JAK3: variants seen among roughly 807,000 people sequenced by gnomAD.
JAK3 encodes Janus kinase 3, also known as tyrosine-protein kinase JAK3.
JAK3 carries 88 observed loss-of-function variants against 120.8 expected under a neutral mutation model. The observed-to-expected ratio is 0.73, with a 90% CI of 0.61 to 0.87. The LOEUF (loss-of-function observed/expected upper bound fraction) is 0.87, where lower values mean the gene tolerates loss of function less well. Among genes scored for constraint, JAK3 ranks in the 40% least tolerant of loss-of-function variants. The pLI, the probability that JAK3 is intolerant of heterozygous loss-of-function variation, is 0.00. For missense variants in JAK3, 1,254 were observed against 1,501.4 expected (o/e 0.84, Z 2.72); for synonymous variants, 592 against 628.6 (o/e 0.94, Z 0.87).
Position 17,830,560 on chromosome 19 carries a change from G to A in JAK3, c.3039C>T (p.Phe1013=), listed in dbSNP as rs2094212070. Residue 1013 remains phenylalanine, a synonymous_variant, in exon 22 of 24, where the codon TTC becomes TTT. Transcript: ENST00000458235. The part of the protein sequence containing the change: ...IFSRQSDVWS[F]GVVLYELFTY... ...TGAAGAGCTCGTACAGGACGACCCCGAAGCTCCAGACGTCTGACTGGCGAG... is the reference window on the plus strand; with the variant it reads ...TGAAGAGCTCGTACAGGACGACCCCAAAGCTCCAGACGTCTGACTGGCGAG... 6.2e-7 allele frequency: 1 copy of A among 1,613,754 alleles called. No homozygotes were observed. The highest frequency in any genetic ancestry group is 1.3e-5 in the African/African-American group (1 of 74,928).
intron 10 of JAK3, among the ~76,000 whole-genome samples, chr19:17,838,712 A>AT (rs35486965): frequency 0.18 from 18,308 of 99,184 alleles, 2,768 homozygotes; most frequent in African/African-American, 0.38. Context: ...TGCCCGGCTA[A>AT]TTTTTTTTTT....
At position 17,841,832 on chromosome 19, in the gene JAK3, C is replaced by T. The variant is rs910919455; in HGVS notation, c.862-70G>A. On this transcript the variant is annotated intron_variant, in intron 6 of 23. Coordinates refer to ENST00000458235, the MANE Select transcript of JAK3 (RefSeq NM_000215.4). This position sits in a 1 kb window ranked among gnomAD's most constrained non-coding sequence, Gnocchi z 4.1. ...CGCCAAACCACGCCCATGAACCCAC[C>T]CCCAAGCCACACCATCCACTCCCTA... 796 of 1,589,620 alleles carry T rather than the reference C, an allele frequency of 5.0e-4. No individual in the cohort carries two copies. The highest frequency in any genetic ancestry group is 6.3e-4 in the Non-Finnish European group (740 of 1,174,658).
In JAK3 at chr19:17,842,594, G is replaced by A. The variant is rs2147698014; in HGVS notation, c.583C>T (p.Pro195Ser). The change falls in exon 6 of 24, where the codon CCC becomes TCC. Residue 195 changes from proline (P) to serine (S), a missense_variant. By Grantham distance (74) the Pro-to-Ser change is moderately conservative. Around this residue, in one of 3 missense-constraint regions of JAK3, gnomAD observed 486 missense variants for 503.0 expected, o/e 0.97. Transcript: ENST00000458235. The surrounding 1 kb of genome is among the most constrained non-coding windows in gnomAD (Gnocchi z 6.4). Reference protein sequence around the residue: ...LKTVSYKACLPPSLRDLIQGL... With the variant: ...LKTVSYKACLSPSLRDLIQGL... ...TGGATCAGGTCGCGCAGGCTTGGGG[G>A]TAGGCAGGCCTTGTAGCTGCAGGGG... 1 of 1,581,182 alleles carries A rather than the reference G, an allele frequency of 6.3e-7. No homozygotes were observed. Among genetic ancestry groups the A allele is most frequent in the Non-Finnish European group, 8.6e-7 (1 of 1,162,428 alleles).
intron 12 of JAK3, 29 bp downstream of exon 12, chr19:17,837,903 T>C: frequency 6.2e-7 from 1 of 1,613,650 alleles, no homozygotes. Context: ...CAGCCCCGAC[T>C]CCAAAAGTCT....
Position 17,831,247 on chromosome 19 carries a change from C to T in JAK3, c.2959G>A (p.Gly987Ser), listed in dbSNP as rs2094214009. 4 of 1,612,266 alleles carry T rather than the reference C, an allele frequency of 2.5e-6. No homozygotes were observed. Among genetic ancestry groups the T allele is most frequent in the Non-Finnish European group, 3.4e-6 (4 of 1,179,724 alleles). Residue 987 changes from glycine to serine, a missense_variant, in exon 21 of 24, where the codon GGC (glycine) becomes AGC (serine). Gly to Ser is a moderately conservative substitution (Grantham distance 56, BLOSUM62 0). Transcript: ENST00000458235. The surrounding 1 kb of genome is among the most constrained non-coding windows in gnomAD (Gnocchi z 5.1). Reference sequence around the variant, plus strand: ...CCCCACCAGAAAATGGGGCTCTGGCCTGGCTCGCGGACCACGTAGTAGTCT... The same window carrying T: ...CCCCACCAGAAAATGGGGCTCTGGCTTGGCTCGCGGACCACGTAGTAGTCT... ...DKDYYVVREP[G>S]QSPIFWYAPE...
chr19:17,845,454 C>A (rs930275654), intron 1 of JAK3, among the ~76,000 whole-genome samples: 2 of 151,882 alleles, frequency 1.3e-5, no homozygotes, highest in Admixed American at 6.6e-5. Flanking sequence ...CGCGCCTGGC[C>A]GAGACCAGGA....
chr19:17,839,102 G>A (rs1360107980), intron 10 of JAK3: 2 of 380,796 alleles, frequency 5.3e-6, no homozygotes, highest in Non-Finnish European at 5.1e-6. Flanking sequence ...CCTGCAGGGG[G>A]CTTTAATGAG....
chr19:17,847,881 A>C, intron 1 of JAK3, 65 bp downstream of exon 1: 38 of 483,564 alleles, frequency 7.9e-5, no homozygotes, highest in Non-Finnish European at 1.0e-4. Context: ...CAGCCCAGCC[A>C]TCCCCCGCCA....
At chr19:17,838,446 G>A (rs573322377) in intron 10 of JAK3, 56 bp from the exon 11 acceptor site, 5 of 1,609,134 alleles carry the variant, frequency 3.1e-6, no homozygotes, top group African/African-American at 2.7e-5. Flanking sequence ...AAGTCCCCAA[G>A]GGTTAGCTAA....
At chr19:17,839,315 G>A (rs2094231888) in intron 10 of JAK3, 162 bp downstream of exon 10, 1 of 731,418 alleles carries the variant, frequency 1.4e-6, no homozygotes, top group African/African-American at 1.7e-5. Context: ...CAGACCTAAA[G>A]GTTATATATC....
chr19:17,833,155 A>T (rs779195850), intron 17 of JAK3, among the ~76,000 whole-genome samples: 9 of 152,262 alleles, frequency 5.9e-5, no homozygotes, highest in Non-Finnish European at 8.8e-5. Context: ...GCAACTCCAC[A>T]TGGCTACAAA....
intron 23 of JAK3, 173 bp downstream of exon 23, chr19:17,829,935 A>C (rs569951582): frequency 4.5e-6 from 3 of 669,040 alleles, no homozygotes; most frequent in Admixed American, 2.2e-5. Flanking sequence ...AGGCTCTGAA[A>C]GTGCTCTGAC....
rs184971304 is a variant in JAK3 at position 17,827,416 on chromosome 19, C to T, written c.3208-506G>A. ...AGGCTGGAATGCAGTGGTGCGATCTCGGCTCACTGCAAACCCTGCCTCCTG... is the reference window on the plus strand; with the variant it reads ...AGGCTGGAATGCAGTGGTGCGATCTTGGCTCACTGCAAACCCTGCCTCCTG... On this transcript the variant is annotated intron_variant, in intron 23 of 23. Transcript: ENST00000458235. Among the ~76,000 whole-genome samples the T allele has an allele frequency of 7.3e-3, 1,106 of 151,890 alleles. 7 individuals carry two copies. The highest frequency in any genetic ancestry group is 0.01 in the Non-Finnish European group (710 of 67,950).
intron 1 of JAK3, among the ~76,000 whole-genome samples, chr19:17,845,603 G>T (rs564514020): frequency 1.3e-5 from 2 of 152,126 alleles, no homozygotes; most frequent in Non-Finnish European, 2.9e-5. Context: ...TAAAAAATTA[G>T]CAGGGCATGG....
chr19:17,828,772 C>T (rs1568400138), intron 23 of JAK3, among the ~76,000 whole-genome samples: 1 of 152,172 alleles, frequency 6.6e-6, no homozygotes, highest in East Asian at 1.9e-4. Flanking sequence ...AGTTGGCACT[C>T]AATAAATGTT....
Position 17,843,511 on chromosome 19 carries a change from C to G in JAK3, c.309-20G>C. On this transcript the variant is annotated intron_variant, in intron 3 of 23. Transcript: ENST00000458235. This position sits in a 1 kb window ranked among gnomAD's most constrained non-coding sequence, Gnocchi z 5.4. ...TAAAAGCTGTGAGGAGAGGAGAGAA[C>G]CCTGGGATGAAAGTGCAACCCAGCC... 1.3e-6 allele frequency: 2 copies of G among 1,550,184 alleles called. No individual in the cohort carries two copies. The highest frequency in any genetic ancestry group is 1.8e-6 in the Non-Finnish European group (2 of 1,136,980).
Position 17,843,387 on chromosome 19 carries a change from A to C in JAK3, c.413T>G (p.Phe138Cys). 1.9e-6 allele frequency: 3 copies of C among 1,592,908 alleles called. No individual in the cohort carries two copies. The highest frequency in any genetic ancestry group is 2.6e-6 in the Non-Finnish European group (3 of 1,169,410). The change falls in exon 4 of 24, where the codon TTT becomes TGT. Residue 138 changes from phenylalanine (F) to cysteine (C), a missense_variant. Around this residue, in one of 3 missense-constraint regions of JAK3, gnomAD observed 486 missense variants for 503.0 expected, o/e 0.97. Transcript: ENST00000458235. This position sits in a 1 kb window ranked among gnomAD's most constrained non-coding sequence, Gnocchi z 5.4. Reference protein sequence around the residue: ...ILDLPVLEHLFAQHRSDLVSG... With the variant: ...ILDLPVLEHLCAQHRSDLVSG... ...CCCCAGGCAGAACCCCACCTGGGCAAAGAGGTGCTCCAGGACTGGCAGGTC... is the reference window on the plus strand; with the variant it reads ...CCCCAGGCAGAACCCCACCTGGGCACAGAGGTGCTCCAGGACTGGCAGGTC...
intron 12 of JAK3, 30 bp from the exon 13 acceptor site, chr19:17,837,243 C>A (rs1272803415): frequency 6.5e-7 from 1 of 1,530,658 alleles, no homozygotes; most frequent in East Asian, 2.4e-5. Flanking sequence ...AGAGAAGATG[C>A]GTGGGTTTCT....
At position 17,839,767 on chromosome 19, in the gene JAK3, G is replaced by A. The variant is rs2094233577; in HGVS notation, c.1255-104C>T. On this transcript the variant is annotated intron_variant, in intron 9 of 23. Transcript: ENST00000458235. The stretch of plus-strand genomic sequence containing the variant: ...TTTTTTTTTTTTTTTTGGAGACGGA[G>A]TCTGGCTCTGTCACCCAGGCTGGAG... 10 of 998,714 alleles carry A rather than the reference G, an allele frequency of 1.0e-5. No individual in the cohort carries two copies. The Middle Eastern group carries it at 9.6e-4, about 96-fold the overall frequency. The allele number at this position is 998,714 out of a possible 1,614,324, so 61.9% of individuals were successfully genotyped here. A position where few individuals can be genotyped will look rare whatever the true frequency, so the allele number is the denominator to read the frequency against.
Sources: gnomAD v4.1 joint callset for allele counts (sites outside exome capture counted in the v4.1 genomes callset) on GRCh38, gnomAD v4.1.1 for gene constraint, gnomAD v4.1.1 regional missense constraint, Gnocchi (gnomAD v3.1) non-coding constraint, MANE v1.5 for transcripts, NCBI Gene and HGNC (gene_info 2026-07-23, HGNC 2026-07-21) for gene names.